The following DGLUCY variants were observed in gnomAD, a reference collection of about 807,000 sequenced individuals.
DGLUCY encodes D-glutamate cyclase, mitochondrial.
Under a neutral mutation model 58.5 loss-of-function variants are expected in DGLUCY, and 58 were observed. That is an observed-to-expected ratio of 0.99 (90% CI 0.80 to 1.23). The LOEUF (loss-of-function observed/expected upper bound fraction) is 1.23. Ranked by LOEUF, DGLUCY falls within the 50% of genes most tolerant of loss-of-function variation. The pLI is 0.00. For synonymous variants in DGLUCY, 325 were observed against 314.1 expected (o/e 1.03, Z -0.37); for missense variants, 779 against 784.7 (o/e 0.99, Z 0.09).
chr14:91,085,920 TACTGGTACCAGTTTGTGGCCTCTTAGGA>T (rs1455493955), intron 1 of DGLUCY, among the ~76,000 whole-genome samples: 1 of 152,176 alleles, frequency 6.6e-6, no homozygotes, highest in African/African-American at 2.4e-5. Context: ...CATGTACCAG[TACTGGTACCAGTTTGTGGCCTCTTAGGA>T]ACTGGGCTGC....
chr14:91,205,806 TCTCCTC>T (rs146159847), intron 12 of DGLUCY, among the ~76,000 whole-genome samples: 18 of 131,916 alleles, frequency 1.4e-4, no homozygotes, highest in Middle Eastern at 3.8e-3. Context: ...TCCGTCTCCT[TCTCCTC>T]CTCCTCCTCC....
At chr14:91,163,334 G>A (rs2048098493) in intron 3 of DGLUCY, among the ~76,000 whole-genome samples, 1 of 152,190 alleles carries the variant, frequency 6.6e-6, no homozygotes, top group African/African-American at 2.4e-5. Flanking sequence ...AGTAGGGAGT[G>A]GGAGGCCTCT....
chr14:91,101,537 C>T (rs769275326), intron 1 of DGLUCY, among the ~76,000 whole-genome samples: 1 of 152,182 alleles, frequency 6.6e-6, no homozygotes, highest in Non-Finnish European at 1.5e-5. Flanking sequence ...TCCACCAGGA[C>T]GTTGGAAGTC....
intron 2 of DGLUCY, chr14:91,158,812 T>A (rs961813147): frequency 1.3e-5 from 2 of 152,282 alleles, no homozygotes; most frequent in Admixed American, 1.3e-4. Flanking sequence ...CTAGATTTTG[T>A]TGACATACTA....
At chr14:91,200,794 A>G (rs144513783) in intron 11 of DGLUCY, among the ~76,000 whole-genome samples, 334 of 152,274 alleles carry the variant, frequency 2.2e-3, no homozygotes, top group African/African-American at 7.6e-3. Context: ...TGTGTGAGCA[A>G]CAGGCTGTTT....
chr14:91,099,467 A>G (rs989073263), intron 1 of DGLUCY, among the ~76,000 whole-genome samples: 5 of 151,034 alleles, frequency 3.3e-5, no homozygotes, highest in African/African-American at 1.2e-4. Flanking sequence ...CAGAAGGTTG[A>G]GGCTGCAGTG....
chr14:91,174,110 G>A (rs557814617), intron 6 of DGLUCY, among the ~76,000 whole-genome samples: 6 of 152,058 alleles, frequency 3.9e-5, no homozygotes, highest in African/African-American at 1.4e-4. Flanking sequence ...AATCAATCAT[G>A]CTCATGTAAT....
chr14:91,188,537 C>T (rs1046506074), intron 8 of DGLUCY, among the ~76,000 whole-genome samples: 4 of 152,170 alleles, frequency 2.6e-5, no homozygotes, highest in Non-Finnish European at 2.9e-5. Flanking sequence ...TAAAAATAAT[C>T]ACTTTTGGCT....
intron 13 of DGLUCY, among the ~76,000 whole-genome samples, chr14:91,216,684 A>T (rs1886571007): frequency 6.6e-6 from 1 of 150,474 alleles, no homozygotes; most frequent in African/African-American, 2.4e-5. Flanking sequence ...GGGACAGATC[A>T]TGTTAGCTGG....
At chr14:91,137,140 T>G (rs911379256) in intron 1 of DGLUCY, among the ~76,000 whole-genome samples, 8 of 151,738 alleles carry the variant, frequency 5.3e-5, no homozygotes, top group African/African-American at 1.9e-4. Flanking sequence ...TTCAGGTTTT[T>G]TTTTTTTTTT....
chr14:91,113,691 T>C (rs2044751574), upstream of DGLUCY, among the ~76,000 whole-genome samples: 1 of 152,134 alleles, frequency 6.6e-6, no homozygotes, highest in African/African-American at 2.4e-5. Flanking sequence ...ATGCAGAATC[T>C]CTGCCTGACC....
intron 1 of DGLUCY, among the ~76,000 whole-genome samples, chr14:91,085,278 A>C (rs1340966264): frequency 6.6e-6 from 1 of 151,610 alleles, no homozygotes; most frequent in Non-Finnish European, 1.5e-5. Flanking sequence ...CCGCTAAACA[A>C]GTAAACCTCA....
chr14:91,161,036 T>C (rs529267507), intron 3 of DGLUCY, among the ~76,000 whole-genome samples: 2 of 152,360 alleles, frequency 1.3e-5, no homozygotes, highest in South Asian at 4.1e-4. Context: ...CTATATGGGC[T>C]AACAGAGTTA....
chr14:91,167,134 C>T (rs1281192369), intron 3 of DGLUCY, 91 bp from the exon 4 acceptor site: 68 of 1,414,356 alleles, frequency 4.8e-5, no homozygotes, highest in South Asian at 3.3e-4. Flanking sequence ...AGCGAAACTC[C>T]GCCTCAAAAA....
At chr14:91,217,891 C>G (rs547747641) in intron 13 of DGLUCY, among the ~76,000 whole-genome samples, 224 of 152,152 alleles carry the variant, frequency 1.5e-3, no homozygotes, top group Non-Finnish European at 2.4e-3. Context: ...CCTTCCTGCC[C>G]CTGGCCTCTG....
chr14:91,136,918 G>A (rs759912574), intron 1 of DGLUCY, among the ~76,000 whole-genome samples: 2 of 151,720 alleles, frequency 1.3e-5, no homozygotes, highest in Non-Finnish European at 1.5e-5. Flanking sequence ...GCGGTGAGCC[G>A]ATATTGTGCC....
intron 3 of DGLUCY, among the ~76,000 whole-genome samples, chr14:91,165,847 C>T (rs1039283840): frequency 2.6e-5 from 4 of 152,194 alleles, no homozygotes; most frequent in Non-Finnish European, 4.4e-5. Flanking sequence ...CTTACCACCC[C>T]AGAAATGCAC....
At chr14:91,131,894 A>C (rs543801054) in intron 1 of DGLUCY, among the ~76,000 whole-genome samples, 29 of 152,170 alleles carry the variant, frequency 1.9e-4, no homozygotes, top group Non-Finnish European at 3.8e-4. Context: ...CCTGGGTTCA[A>C]GTAATTCTCT....
upstream of DGLUCY, among the ~76,000 whole-genome samples, chr14:91,111,035 G>A (rs1309946603): frequency 1.3e-5 from 2 of 151,928 alleles, no homozygotes; most frequent in Non-Finnish European, 2.9e-5. Flanking sequence ...TTGGCTTAAC[G>A]TTTTTGTCTC....
Sources: gnomAD v4.1 joint callset for allele counts (sites outside exome capture counted in the v4.1 genomes callset) on GRCh38, gnomAD v4.1.1 for gene constraint, MANE v1.5 for transcripts, NCBI Gene and HGNC (gene_info 2026-07-23, HGNC 2026-07-21) for gene names.